Variants in SMS observed in about 807,000 individuals in gnomAD.
SMS encodes the protein spermidine aminopropyltransferase.
In SMS, 3 loss-of-function variants were observed where a neutral mutation model predicts 33.0. The observed-to-expected ratio is 0.09, with a 90% CI of 0.04 to 0.23. The LOEUF is 0.23. Ranked by LOEUF, SMS falls within the 10% of genes least tolerant of loss-of-function variation. The pLI is 1.00. For synonymous variants in SMS, 103 were observed against 112.2 expected (o/e 0.92, Z 0.52); for missense variants, 117 against 288.6 (o/e 0.41, Z 4.31).
intron 9 of SMS, among the ~76,000 whole-genome samples, chrX:21,985,894 C>T (rs1925292676): frequency 9.0e-6 from 1 of 111,090 alleles, no homozygotes; most frequent in Non-Finnish European, 1.9e-5. Context: ...TATGGTGGTG[C>T]ATGCCTGTAG....
intron 1 of SMS, among the ~76,000 whole-genome samples, chrX:21,946,640 G>A (rs747513136): frequency 3.6e-5 from 4 of 111,268 alleles, no homozygotes; most frequent in African/African-American, 1.3e-4. Context: ...GCTTCCCTCC[G>A]TGGGTGACAT....
At chrX:21,946,661 C>T (rs1393432456) in intron 1 of SMS, among the ~76,000 whole-genome samples, 1 of 111,324 alleles carries the variant, frequency 9.0e-6, no homozygotes, top group Non-Finnish European at 1.9e-5. Context: ...CTGGCAATTT[C>T]TGGAGACAGT....
intron 1 of SMS, among the ~76,000 whole-genome samples, chrX:21,947,907 C>T (rs978106371): frequency 9.1e-6 from 1 of 110,302 alleles, no homozygotes; most frequent in Non-Finnish European, 1.9e-5. Context: ...AATTCTCATG[C>T]GTTAATTGTG....
chrX:21,941,913 A>C (rs1297631517), intron 1 of SMS, among the ~76,000 whole-genome samples: 2 of 93,858 alleles, frequency 2.1e-5, no homozygotes, highest in East Asian at 3.7e-4. Flanking sequence ...AAAAAAAAAA[A>C]AAAAAAAAAA....
intron 9 of SMS, among the ~76,000 whole-genome samples, chrX:21,985,832 G>T (rs1925286387): frequency 9.0e-6 from 1 of 111,102 alleles, no homozygotes; most frequent in African/African-American, 3.3e-5. Context: ...CTGCCAGCCT[G>T]GACAACATAG....
chrX:21,942,951 T>C (rs941094795), intron 1 of SMS, among the ~76,000 whole-genome samples: 2 of 108,906 alleles, frequency 1.8e-5, no homozygotes, highest in African/African-American at 6.7e-5. Flanking sequence ...ACAATTCTTG[T>C]GTCTCAGCCT....
At chrX:21,964,290 T>A (rs770713733) in intron 1 of SMS, among the ~76,000 whole-genome samples, 11 of 111,526 alleles carry the variant, frequency 9.9e-5, no homozygotes, top group Non-Finnish European at 1.3e-4. Context: ...ATGCTTGTGC[T>A]GCTGTGGGAG....
intron 4 of SMS, among the ~76,000 whole-genome samples, chrX:21,975,337 C>T (rs746959842): frequency 5.4e-5 from 6 of 111,730 alleles, no homozygotes; most frequent in Non-Finnish European, 7.5e-5. Context: ...TTAAAAAAAC[C>T]ATAGAGTTAC....
intron 2 of SMS, among the ~76,000 whole-genome samples, chrX:21,969,175 C>T (rs886876591): frequency 9.0e-6 from 1 of 111,711 alleles, no homozygotes; most frequent in Non-Finnish European, 1.9e-5. Flanking sequence ...TCTCCATGGC[C>T]AACCCCTGTG....
intron 1 of SMS, among the ~76,000 whole-genome samples, chrX:21,963,540 C>T (rs941400177): frequency 7.1e-5 from 8 of 112,171 alleles, no homozygotes; most frequent in South Asian, 3.7e-4. Flanking sequence ...GAAACCTGGC[C>T]GGAGGACTTT....
At chrX:21,957,343 C>G (rs962313296) in intron 1 of SMS, among the ~76,000 whole-genome samples, 1 of 110,061 alleles carries the variant, frequency 9.1e-6, no homozygotes, top group Non-Finnish European at 1.9e-5. Flanking sequence ...GTCACCCAGG[C>G]TGGAGTGCAG....
intron 4 of SMS, among the ~76,000 whole-genome samples, chrX:21,976,694 C>T (rs1179583075): frequency 9.0e-6 from 1 of 111,637 alleles, no homozygotes; most frequent in Non-Finnish European, 1.9e-5. Context: ...ACTAGATAAC[C>T]ATATCATACC....
intron 1 of SMS, among the ~76,000 whole-genome samples, chrX:21,958,238 T>C (rs1446100237): frequency 8.9e-6 from 1 of 112,356 alleles, no homozygotes. Context: ...TCTAGAATTT[T>C]TATGGTTTCA....
At chrX:21,954,069 G>A (rs772941029) in intron 1 of SMS, among the ~76,000 whole-genome samples, 3 of 111,160 alleles carry the variant, frequency 2.7e-5, no homozygotes, top group East Asian at 5.6e-4. Context: ...AATGTTCGAC[G>A]TATTCCTTAA....
At chrX:21,959,042 C>T (rs781144307) in intron 1 of SMS, among the ~76,000 whole-genome samples, 12 of 112,354 alleles carry the variant, frequency 1.1e-4, no homozygotes, top group Middle Eastern at 9.3e-3. Flanking sequence ...CTGGCTATTG[C>T]ATATCATGCT....
intron 1 of SMS, among the ~76,000 whole-genome samples, chrX:21,962,049 C>G (rs898257377): frequency 3.6e-5 from 4 of 112,130 alleles, no homozygotes; most frequent in Non-Finnish European, 5.6e-5. Flanking sequence ...ACCTCAGGCT[C>G]GTTTTCACCT....
intron 1 of SMS, among the ~76,000 whole-genome samples, chrX:21,963,910 A>G (rs1306532633): frequency 1.8e-5 from 2 of 111,621 alleles, no homozygotes; most frequent in Admixed American, 1.9e-4. Context: ...CCAAGGAGGG[A>G]TTGCTTAATT....
At chrX:21,986,995 GT>G (rs10691989) in intron 9 of SMS, among the ~76,000 whole-genome samples, 38 of 86,531 alleles carry the variant, frequency 4.4e-4, no homozygotes, top group African/African-American at 1.0e-3. Flanking sequence ...ACTTATGATG[GT>G]TTTTTTTTTT....
chrX:21,969,863 G>A lies in SMS; in HGVS notation c.171-2034G>A, dbSNP rs777583813. Among the ~76,000 whole-genome samples the A allele has an allele frequency of 1.9e-4, 22 of 113,149 alleles. No individual in the cohort carries two copies. In the South Asian group the frequency reaches 7.9e-3, roughly 40 times the overall value. ...CGAATCTTGCTCTGTTGCCCAGGCT[G>A]GAGTGCAGTGGCACAATCTTGGCTT... On this transcript the variant is annotated intron_variant, in intron 2 of 10. Transcript: ENST00000404933.
Sources: gnomAD v4.1 joint callset for allele counts (sites outside exome capture counted in the v4.1 genomes callset) on GRCh38, gnomAD v4.1.1 for gene constraint, MANE v1.5 for transcripts, NCBI Gene and HGNC (gene_info 2026-07-23, HGNC 2026-07-21) for gene names.